AFG2A: variants seen among roughly 807,000 people sequenced by gnomAD.
The protein encoded by AFG2A is AAA ATPase AFG2A.
chr4:122,941,310 G>A, the AFG2A span, among the ~76,000 whole-genome samples: 2 of 150,184 alleles, frequency 1.3e-5, no homozygotes, highest in African/African-American at 2.5e-5. Context: ...TTATTTCCTC[G>A]AGCAGTAGTT....
At chr4:123,246,168 C>T in the AFG2A span, among the ~76,000 whole-genome samples, 1 of 152,168 alleles carries the variant, frequency 6.6e-6, no homozygotes, top group African/African-American at 2.4e-5. Context: ...TTATCTTTAT[C>T]TCCCTTTGCA....
the AFG2A span, among the ~76,000 whole-genome samples, chr4:122,998,997 C>T: frequency 1.8e-4 from 27 of 151,774 alleles, no homozygotes; most frequent in South Asian, 4.2e-4. Flanking sequence ...TTTTAATGAT[C>T]GCCATTCTAA....
At chr4:123,026,131 GTGTGTA>G in the AFG2A span, among the ~76,000 whole-genome samples, 1 of 146,856 alleles carries the variant, frequency 6.8e-6, no homozygotes, top group African/African-American at 2.5e-5. Context: ...GTGTGTGTGT[GTGTGTA>G]TGTGTGTCTG....
At chr4:122,974,772 C>T in the AFG2A span, among the ~76,000 whole-genome samples, 1 of 152,040 alleles carries the variant, frequency 6.6e-6, no homozygotes, top group Non-Finnish European at 1.5e-5. Context: ...TCCCAAGCAG[C>T]TAGGATTACA....
At chr4:123,178,345 A>G in the AFG2A span, among the ~76,000 whole-genome samples, 6 of 152,194 alleles carry the variant, frequency 3.9e-5, no homozygotes, top group East Asian at 9.6e-4. Context: ...TACTCTTTAT[A>G]TACTACTTCT....
the AFG2A span, among the ~76,000 whole-genome samples, chr4:123,043,753 A>G: frequency 6.6e-6 from 1 of 152,232 alleles, no homozygotes; most frequent in Non-Finnish European, 1.5e-5. Flanking sequence ...ATGATGTCCC[A>G]TTGAAATTCC....
the AFG2A span, among the ~76,000 whole-genome samples, chr4:123,205,901 C>T: frequency 6.6e-6 from 1 of 152,104 alleles, no homozygotes; most frequent in Non-Finnish European, 1.5e-5. Flanking sequence ...TCAGGCATCC[C>T]CTGCTTAACA....
At chr4:123,081,068 A>G in the AFG2A span, among the ~76,000 whole-genome samples, 1 of 152,128 alleles carries the variant, frequency 6.6e-6, no homozygotes, top group African/African-American at 2.4e-5. Context: ...TGGGAGAGTG[A>G]TACATTTGTT....
chr4:123,003,097 C>T, the AFG2A span, among the ~76,000 whole-genome samples: 99,212 of 151,988 alleles, frequency 0.65, 33,218 homozygotes, highest in Non-Finnish European at 0.74. Context: ...TTGATCGCAT[C>T]GGCTCCTGAG....
chr4:122,950,714 G>A, the AFG2A span, among the ~76,000 whole-genome samples: 2 of 152,160 alleles, frequency 1.3e-5, no homozygotes, highest in African/African-American at 4.8e-5. Flanking sequence ...ATGCTTGCTG[G>A]GTTATGCTCG....
chr4:123,028,194 G>C, the AFG2A span: 4 of 1,613,068 alleles, frequency 2.5e-6, no homozygotes, highest in Non-Finnish European at 3.4e-6. Context: ...AGGTATCCTG[G>C]TCAGATATAG....
At chr4:123,025,908 C>T in the AFG2A span, among the ~76,000 whole-genome samples, 8 of 152,164 alleles carry the variant, frequency 5.3e-5, no homozygotes, top group Non-Finnish European at 1.2e-4. Flanking sequence ...AATTTTATAG[C>T]ATTTGAGTTG....
chr4:123,083,158 T>A, the AFG2A span, among the ~76,000 whole-genome samples: 1 of 152,138 alleles, frequency 6.6e-6, no homozygotes, highest in African/African-American at 2.4e-5. Context: ...TCTTATGTAG[T>A]GTGATGTTGA....
At chr4:123,180,766 T>A in the AFG2A span, among the ~76,000 whole-genome samples, 2 of 152,174 alleles carry the variant, frequency 1.3e-5, no homozygotes, top group African/African-American at 4.8e-5. Flanking sequence ...TTTAAAATTA[T>A]TTTTTATTAT....
the AFG2A span, among the ~76,000 whole-genome samples, chr4:122,935,447 G>A: frequency 6.6e-6 from 1 of 151,612 alleles, no homozygotes; most frequent in Non-Finnish European, 1.5e-5. Flanking sequence ...TGTGGGATGG[G>A]GCGTTGCAAC....
At chr4:122,979,255 C>T in the AFG2A span, 3 of 1,614,090 alleles carry the variant, frequency 1.9e-6, no homozygotes, top group African/African-American at 2.7e-5. Flanking sequence ...GCGGAGAATC[C>T]TGAAAAAACA....
the AFG2A span, among the ~76,000 whole-genome samples, chr4:123,075,103 C>T: frequency 5.9e-5 from 9 of 151,892 alleles, no homozygotes; most frequent in Admixed American, 5.9e-4. Flanking sequence ...GCCACCATGC[C>T]CGGCTAATTT....
the AFG2A span, among the ~76,000 whole-genome samples, chr4:122,926,533 A>G: frequency 6.6e-6 from 1 of 152,226 alleles, no homozygotes; most frequent in Admixed American, 6.5e-5. Context: ...AGGAAAAGAA[A>G]TGTGTTGGGG....
At chr4:123,318,653 G>A in the AFG2A span, 1 of 151,982 alleles carries the variant, frequency 6.6e-6, no homozygotes, top group Admixed American at 6.6e-5. Flanking sequence ...TGGGCATGGT[G>A]GCACACACCA....
Sources: gnomAD v4.1 joint callset for allele counts (sites outside exome capture counted in the v4.1 genomes callset) on GRCh38, gnomAD v4.1.1 for gene constraint, MANE v1.5 for transcripts, NCBI Gene and HGNC (gene_info 2026-07-23, HGNC 2026-07-21) for gene names.